Variants in B3GLCT observed in about 807,000 individuals in gnomAD.
The protein encoded by B3GLCT is beta 3-glucosyltransferase.
In B3GLCT, 65 loss-of-function variants were observed where a neutral mutation model predicts 63.4. That is an observed-to-expected ratio of 1.03 (90% confidence interval 0.84 to 1.26). B3GLCT has a LOEUF of 1.26. Among genes scored for constraint, B3GLCT ranks in the 50% most tolerant of loss-of-function variants. The probability of loss-of-function intolerance (pLI) is 0.00; values close to 1 mark genes in which losing one functional copy is unlikely to be tolerated. For synonymous variants in B3GLCT, 233 were observed against 219.2 expected (o/e 1.06, Z -0.55); for missense variants, 577 against 604.8 (o/e 0.95, Z 0.48).
intron 3 of B3GLCT, among the ~76,000 whole-genome samples, chr13:31,226,166 C>G (rs1321039866): frequency 6.6e-6 from 1 of 152,176 alleles, no homozygotes; most frequent in Non-Finnish European, 1.5e-5. Context: ...TGTCTGGGCT[C>G]CAGTGCCCTG....
intron 4 of B3GLCT, 77 bp from the exon 5 acceptor site, chr13:31,246,943 TTTC>T: frequency 9.6e-7 from 1 of 1,041,454 alleles, no homozygotes; most frequent in Admixed American, 2.6e-5. Context: ...TTTCTTTTCT[TTTC>T]TTTTCTTTTT....
chr13:31,240,127 GC>G (rs1870852922), intron 4 of B3GLCT, among the ~76,000 whole-genome samples: 1 of 151,958 alleles, frequency 6.6e-6, no homozygotes, highest in South Asian at 2.1e-4. Context: ...TGCAAATACT[GC>G]CCCCCTCTCT....
intron 1 of B3GLCT, among the ~76,000 whole-genome samples, chr13:31,209,106 A>G (rs1424679510): frequency 2.0e-5 from 3 of 152,136 alleles, no homozygotes; most frequent in African/African-American, 7.2e-5. Flanking sequence ...CCCTTAAAAA[A>G]CGTACGGAGT....
intron 7 of B3GLCT, among the ~76,000 whole-genome samples, chr13:31,262,083 T>A (rs1046977484): frequency 6.6e-6 from 1 of 152,108 alleles, no homozygotes. Flanking sequence ...GGGGGACCAT[T>A]TGAATTGAGA....
At chr13:31,323,599 AGGTAG>A (rs1454438521) in intron 13 of B3GLCT, 147 bp from the exon 14 acceptor site, 1 of 821,260 alleles carries the variant, frequency 1.2e-6, no homozygotes, top group Non-Finnish European at 2.0e-6. Flanking sequence ...AAAAGAGAAC[AGGTAG>A]GGTTTTACCT....
intron 3 of B3GLCT, among the ~76,000 whole-genome samples, chr13:31,226,523 G>A (rs1870111050): frequency 6.6e-6 from 1 of 152,200 alleles, no homozygotes; most frequent in African/African-American, 2.4e-5. Flanking sequence ...GAAGACAGTG[G>A]GAGCTTTGCT....
At chr13:31,252,342 T>C (rs1266317884) in intron 6 of B3GLCT, among the ~76,000 whole-genome samples, 1 of 152,188 alleles carries the variant, frequency 6.6e-6, no homozygotes, top group Non-Finnish European at 1.5e-5. Context: ...AGCATCAAAA[T>C]GGCAGGATCA....
At chr13:31,256,278 A>G (rs144774228) in intron 6 of B3GLCT, among the ~76,000 whole-genome samples, 180 of 152,294 alleles carry the variant, frequency 1.2e-3, no homozygotes, top group African/African-American at 4.2e-3. Context: ...AAAGGAAACA[A>G]CAGATGCTGG....
At chr13:31,309,493 TCTGA>T (rs998584109) in intron 12 of B3GLCT, among the ~76,000 whole-genome samples, 2 of 152,246 alleles carry the variant, frequency 1.3e-5, no homozygotes, top group Admixed American at 6.5e-5. Context: ...CTCCAGATCT[TCTGA>T]CTGACTGACT....
chr13:31,211,024 C>T (rs1263203216), intron 1 of B3GLCT, among the ~76,000 whole-genome samples: 5 of 152,138 alleles, frequency 3.3e-5, no homozygotes, highest in Admixed American at 6.5e-5. Context: ...ATTACAGGCA[C>T]GTGCCACCAC....
At chr13:31,215,908 A>G (rs1869538413) in intron 2 of B3GLCT, among the ~76,000 whole-genome samples, 1 of 152,184 alleles carries the variant, frequency 6.6e-6, no homozygotes, top group Non-Finnish European at 1.5e-5. Flanking sequence ...AAGCTAGGCC[A>G]GGGGACTCGC....
chr13:31,280,153 A>G (rs1241693848), intron 10 of B3GLCT, among the ~76,000 whole-genome samples: 1 of 152,228 alleles, frequency 6.6e-6, no homozygotes, highest in African/African-American at 2.4e-5. Context: ...CGGGATTAAG[A>G]GATTAAAGTA....
intron 3 of B3GLCT, among the ~76,000 whole-genome samples, chr13:31,223,505 C>T (rs1239042245): frequency 6.6e-6 from 1 of 152,176 alleles, no homozygotes. Context: ...AGCCGTTACT[C>T]CTTCCTTTGT....
chr13:31,317,390 C>CT (rs1270767712), intron 12 of B3GLCT, among the ~76,000 whole-genome samples, 176 bp from the exon 13 acceptor site: 34 of 152,230 alleles, frequency 2.2e-4, no homozygotes, highest in African/African-American at 7.7e-4. Flanking sequence ...GCATTCTTTT[C>CT]TTTTTTTGTT....
intron 11 of B3GLCT, among the ~76,000 whole-genome samples, chr13:31,286,136 A>G (rs764696845): frequency 6.6e-5 from 10 of 152,236 alleles, no homozygotes; most frequent in Non-Finnish European, 1.3e-4. Flanking sequence ...TTACCATTAA[A>G]GCATTGTAAT....
chr13:31,324,590 A>T (rs1242479520), intron 14 of B3GLCT, among the ~76,000 whole-genome samples: 1 of 152,258 alleles, frequency 6.6e-6, no homozygotes, highest in Non-Finnish European at 1.5e-5. Flanking sequence ...CAAACTAAAA[A>T]TAACCATAGA....
intron 1 of B3GLCT, among the ~76,000 whole-genome samples, chr13:31,212,981 C>T (rs1468260852): frequency 6.9e-6 from 1 of 145,644 alleles, no homozygotes; most frequent in Non-Finnish European, 1.6e-5. Context: ...AGTTTAATCT[C>T]TCCTTTCTTC....
At chr13:31,207,850 T>G (rs1869039130) in intron 1 of B3GLCT, among the ~76,000 whole-genome samples, 1 of 152,224 alleles carries the variant, frequency 6.6e-6, no homozygotes. Context: ...TGTCCTGGCA[T>G]CTTTCCCAGC....
chr13:31,257,191 T>G (rs1434438003), intron 6 of B3GLCT, among the ~76,000 whole-genome samples: 1 of 152,186 alleles, frequency 6.6e-6, no homozygotes, highest in African/African-American at 2.4e-5. Flanking sequence ...AAACTGTATT[T>G]GCAACCAGAG....
Sources: gnomAD v4.1 joint callset for allele counts (sites outside exome capture counted in the v4.1 genomes callset) on GRCh38, gnomAD v4.1.1 for gene constraint, MANE v1.5 for transcripts, NCBI Gene and HGNC (gene_info 2026-07-23, HGNC 2026-07-21) for gene names.